TMEM266: variants seen among roughly 807,000 people sequenced by gnomAD.
TMEM266 encodes the protein Hv1 related protein 1.
In TMEM266, 33 loss-of-function variants were observed where a neutral mutation model predicts 50.5. That is an observed-to-expected ratio of 0.65 (90% CI 0.50 to 0.87). TMEM266 has a LOEUF of 0.87. Ranked by LOEUF, TMEM266 falls within the 40% of genes least tolerant of loss-of-function variation. The pLI is 0.00. For missense variants in TMEM266, 655 were observed against 695.1 expected (o/e 0.94, Z 0.65); for synonymous variants, 310 against 292.3 (o/e 1.06, Z -0.62).
intron 1 of TMEM266, among the ~76,000 whole-genome samples, chr15:76,125,553 TA>T (rs1041502881): frequency 3.3e-5 from 5 of 149,972 alleles, no homozygotes; most frequent in East Asian, 2.0e-4. Context: ...ATAGCCCTGT[TA>T]AAAAAAAATG....
intron 9 of TMEM266, among the ~76,000 whole-genome samples, chr15:76,192,687 G>A (rs1271625328): frequency 2.6e-5 from 4 of 152,244 alleles, no homozygotes; most frequent in Non-Finnish European, 5.9e-5. Flanking sequence ...TGTTGGTGGA[G>A]ATGGGAACAC....
chr15:76,117,662 A>G (rs2037272265), intron 1 of TMEM266, among the ~76,000 whole-genome samples: 2 of 152,228 alleles, frequency 1.3e-5, no homozygotes, highest in South Asian at 4.1e-4. Context: ...AGCTCTAGGA[A>G]TAGACTCAGG....
chr15:76,202,359 C>G, intron 10 of TMEM266, 95 bp downstream of exon 10: 1 of 1,106,056 alleles, frequency 9.0e-7, no homozygotes, highest in Non-Finnish European at 1.3e-6. Context: ...ATGCCCATCA[C>G]CTGGTGCCTG....
intron 1 of TMEM266, among the ~76,000 whole-genome samples, chr15:76,062,142 G>A (rs1300651723): frequency 6.6e-6 from 1 of 152,170 alleles, no homozygotes; most frequent in South Asian, 2.1e-4. Context: ...TCACCCAGTG[G>A]GGCTAATAGC....
intron 8 of TMEM266, among the ~76,000 whole-genome samples, chr15:76,179,716 A>C (rs559065132): frequency 1.3e-5 from 2 of 152,322 alleles, no homozygotes; most frequent in East Asian, 3.9e-4. Flanking sequence ...AGTATAATGA[A>C]GACATTTCCA....
intron 1 of TMEM266, among the ~76,000 whole-genome samples, chr15:76,110,250 G>A (rs192395539): frequency 1.3e-5 from 2 of 152,110 alleles, no homozygotes; most frequent in Admixed American, 1.3e-4. Flanking sequence ...TGATCCACCT[G>A]CCTCAGCCTC....
intron 3 of TMEM266, among the ~76,000 whole-genome samples, chr15:76,151,658 T>TA (rs2037845143): frequency 6.6e-6 from 1 of 152,096 alleles, no homozygotes. Context: ...TTGTCTCATC[T>TA]CTCCTACTCC....
chr15:76,199,479 G>T (rs2038706069), intron 9 of TMEM266, among the ~76,000 whole-genome samples: 1 of 152,242 alleles, frequency 6.6e-6, no homozygotes, highest in Non-Finnish European at 1.5e-5. Flanking sequence ...CCTCCTTGGG[G>T]GTTACAATGA....
At chr15:76,084,547 T>G (rs2036742652) in intron 1 of TMEM266, among the ~76,000 whole-genome samples, 1 of 152,258 alleles carries the variant, frequency 6.6e-6, no homozygotes, top group Non-Finnish European at 1.5e-5. Context: ...CCTTGCCTAT[T>G]TCTGGTGAAA....
intron 1 of TMEM266, among the ~76,000 whole-genome samples, chr15:76,085,060 C>T (rs968056842): frequency 3.3e-5 from 5 of 150,440 alleles, no homozygotes; most frequent in South Asian, 2.1e-4. Flanking sequence ...CCCAGGTTCA[C>T]GGCATTCTCC....
chr15:76,131,166 C>T (rs1184497415), intron 1 of TMEM266, among the ~76,000 whole-genome samples: 2 of 152,188 alleles, frequency 1.3e-5, no homozygotes, highest in Non-Finnish European at 2.9e-5. Flanking sequence ...TACCTGAGAT[C>T]AGGAGTTCGA....
At chr15:76,194,705 C>T (rs1265804212) in intron 9 of TMEM266, among the ~76,000 whole-genome samples, 1 of 152,182 alleles carries the variant, frequency 6.6e-6, no homozygotes, top group Non-Finnish European at 1.5e-5. Context: ...CCATGGCTTA[C>T]AGTAGCATCA....
chr15:76,204,319 C>T lies in TMEM266; in HGVS notation c.*4C>T. On this transcript the variant is annotated 3_prime_UTR_variant, in exon 11 of 11. Transcript: ENST00000388942. ...GCACAGGGTCCCTGAGGCCTAGAGC[C>T]TGCCATGGGCTGGGTGAGATGAGGG... 1 of 1,589,158 alleles carries T rather than the reference C, an allele frequency of 6.3e-7. No individual in the cohort carries two copies. Among genetic ancestry groups the T allele is most frequent in the Non-Finnish European group, 8.6e-7 (1 of 1,163,180 alleles).
intron 3 of TMEM266, among the ~76,000 whole-genome samples, chr15:76,143,524 TTTAA>T (rs1405044454): frequency 6.6e-6 from 1 of 152,218 alleles, no homozygotes; most frequent in Non-Finnish European, 1.5e-5. Flanking sequence ...TTCTTTTTTA[TTTAA>T]TTTTTAAAAT....
At chr15:76,069,058 A>T (rs2036491494) in intron 1 of TMEM266, among the ~76,000 whole-genome samples, 1 of 152,218 alleles carries the variant, frequency 6.6e-6, no homozygotes, top group Non-Finnish European at 1.5e-5. Flanking sequence ...CAGGGTCCTT[A>T]TGCTTGCCCT....
chr15:76,171,596 A>G (rs576287264), intron 7 of TMEM266, among the ~76,000 whole-genome samples: 1 of 152,320 alleles, frequency 6.6e-6, no homozygotes, highest in Non-Finnish European at 1.5e-5. Flanking sequence ...GAGTCCACCA[A>G]GGACAATCTG....
At chr15:76,157,924 G>C (rs182387630) in intron 4 of TMEM266, among the ~76,000 whole-genome samples, 39 of 152,270 alleles carry the variant, frequency 2.6e-4, no homozygotes, top group African/African-American at 9.1e-4. Context: ...GGAGGTCAAG[G>C]CTGCAGTGAG....
At chr15:76,148,660 T>C (rs1040936036) in intron 3 of TMEM266, among the ~76,000 whole-genome samples, 16 of 152,166 alleles carry the variant, frequency 1.1e-4, no homozygotes, top group African/African-American at 3.9e-4. Context: ...AGCCAATCCA[T>C]GGTGTGTGTT....
At chr15:76,064,538 G>A (rs980367692) in intron 1 of TMEM266, among the ~76,000 whole-genome samples, 32 of 152,180 alleles carry the variant, frequency 2.1e-4, no homozygotes. Flanking sequence ...AAAGAAGCCT[G>A]GGAGAAACTG....
Sources: gnomAD v4.1 joint callset for allele counts (sites outside exome capture counted in the v4.1 genomes callset) on GRCh38, gnomAD v4.1.1 for gene constraint, MANE v1.5 for transcripts, NCBI Gene and HGNC (gene_info 2026-07-23, HGNC 2026-07-21) for gene names.